Variants in FCGR2A observed in about 807,000 individuals in gnomAD.
The protein encoded by FCGR2A is low affinity immunoglobulin gamma Fc region receptor II-a.
A neutral mutation model predicts 29.3 loss-of-function variants in FCGR2A; 18 were observed. That is an observed-to-expected ratio of 0.62 (90% CI 0.43 to 0.91). The LOEUF is 0.91. Ranked by LOEUF, FCGR2A falls within the 40% of genes least tolerant of loss-of-function variation. The probability of loss-of-function intolerance (pLI) is 0.00; values close to 1 mark genes in which losing one functional copy is unlikely to be tolerated. For synonymous variants in FCGR2A, 126 were observed against 144.8 expected (o/e 0.87, Z 0.93); for missense variants, 287 against 393.0 (o/e 0.73, Z 2.28).
Position 161,518,196 on chromosome 1 carries a change from T to A in FCGR2A, c.*48T>A, listed in dbSNP as rs780647510. On this transcript the variant is annotated 3_prime_UTR_variant, in exon 7 of 7. Transcript: ENST00000271450. ...TCATACTCTCAGCTTGCTGAGTGGA[T>A]GACAAAAAGAGGGGAATTGTTAAAG... 5.1e-6 allele frequency: 8 copies of A among 1,581,404 alleles called. No individual in the cohort carries two copies. The Admixed American group carries it at 9.5e-5, about 19-fold the overall frequency.
intron 3 of FCGR2A, 69 bp downstream of exon 3, chr1:161,506,660 G>T (rs776455921): frequency 6.3e-7 from 1 of 1,599,718 alleles, no homozygotes; most frequent in Admixed American, 1.7e-5. Flanking sequence ...TACAGACAGA[G>T]GTTTGCAGGA....
intron 1 of FCGR2A, 146 bp from the exon 2 acceptor site, chr1:161,505,841 A>T (rs1675348715): frequency 1.2e-6 from 1 of 820,584 alleles, no homozygotes; most frequent in Admixed American, 1.8e-5. Context: ...GAATACTTTT[A>T]TAAAAGATCA....
intron 6 of FCGR2A, among the ~76,000 whole-genome samples, chr1:161,517,711 C>G (rs530323035): frequency 1.3e-5 from 2 of 152,186 alleles, no homozygotes; most frequent in South Asian, 4.1e-4. Flanking sequence ...GATTTTTAGT[C>G]TGTTCTGTTT....
At chr1:161,509,374 G>A (rs1675615689) in intron 3 of FCGR2A, among the ~76,000 whole-genome samples, 1 of 151,324 alleles carries the variant, frequency 6.6e-6, no homozygotes, top group African/African-American at 2.4e-5. Flanking sequence ...AACAGCATGT[G>A]GAAAAAAGGG....
At chr1:161,515,864 T>A (rs1676115894) in intron 6 of FCGR2A, among the ~76,000 whole-genome samples, 1 of 152,236 alleles carries the variant, frequency 6.6e-6, no homozygotes, top group Non-Finnish European at 1.5e-5. Flanking sequence ...TCTACACATG[T>A]GTATGCTATT....
At chr1:161,505,642 C>T (rs1436825592) in intron 1 of FCGR2A, 90 bp downstream of exon 1, 3 of 1,063,444 alleles carry the variant, frequency 2.8e-6, no homozygotes, top group Non-Finnish European at 2.9e-6. Context: ...CAGGCCTGGG[C>T]CCTGGAAGCA....
At chr1:161,523,895 T>C (rs1020247227), downstream of FCGR2A, 1 of 152,156 alleles carries the variant, frequency 6.6e-6, no homozygotes, top group East Asian at 1.9e-4. Flanking sequence ...CAGGCGAGAA[T>C]TCTACCACTG....
chr1:161,508,405 A>G (rs1351316074), intron 3 of FCGR2A, among the ~76,000 whole-genome samples: 3 of 151,768 alleles, frequency 2.0e-5, no homozygotes, highest in Non-Finnish European at 4.4e-5. Flanking sequence ...CCTGGCCAAC[A>G]TGGAAAAACC....
chr1:161,523,193 G>C (rs536937374), downstream of FCGR2A: 2 of 152,170 alleles, frequency 1.3e-5, no homozygotes, highest in African/African-American at 4.8e-5. Flanking sequence ...GCGTGAGAGA[G>C]GGGGTCGATT....
At chr1:161,510,395 G>A (rs1320181596) in intron 4 of FCGR2A, 6 of 568,994 alleles carry the variant, frequency 1.1e-5, no homozygotes, top group East Asian at 3.3e-5. Context: ...TAAGAGCTGA[G>A]GTTTGCCTCG....
rs1045670796 is a variant in FCGR2A, at chr1:161,506,367, C to A, written c.140C>A (p.Pro47His). 2.5e-6 allele frequency: 4 copies of A among 1,614,088 alleles called. No homozygotes were observed. In the African/African-American group the frequency reaches 5.3e-5, roughly 22 times the overall value. The change falls in exon 3 of 7, where the codon CCC becomes CAC. Residue 47 changes from proline to histidine, a missense_variant. Pro to His is a moderately conservative substitution (Grantham distance 77). Around this residue, in one of 3 missense-constraint regions of FCGR2A, gnomAD observed 181 missense variants for 250.9 expected, o/e 0.72. Transcript: ENST00000271450. ...CCAAAGGCTGTGCTGAAACTTGAGC[C>A]CCCGTGGATCAACGTGCTCCAGGAG... ...APPKAVLKLE[P>H]PWINVLQEDS... is the part of the protein sequence containing the mutation.
At chr1:161,511,094 T>A in intron 5 of FCGR2A, 138 bp downstream of exon 5, 1 of 1,352,542 alleles carries the variant, frequency 7.4e-7, no homozygotes, top group Non-Finnish European at 1.0e-6. Flanking sequence ...TTAGTTCATT[T>A]ATTAGTTCAT....
At position 161,518,195 on chromosome 1, in the gene FCGR2A, A is replaced by G. The variant is rs754821437; in HGVS notation, c.*47A>G. ...GTCATACTCTCAGCTTGCTGAGTGG[A>G]TGACAAAAAGAGGGGAATTGTTAAA... On this transcript the variant is annotated 3_prime_UTR_variant, in exon 7 of 7. Coordinates refer to ENST00000271450, the MANE Select transcript of FCGR2A (RefSeq NM_001136219.3). 20 of 1,585,414 alleles carry G rather than the reference A, an allele frequency of 1.3e-5. No individual in the cohort carries two copies. The highest frequency in any genetic ancestry group is 1.7e-5 in the Non-Finnish European group (20 of 1,167,624).
downstream of FCGR2A, chr1:161,523,817 G>A (rs1451361851): frequency 2.6e-5 from 4 of 151,194 alleles, no homozygotes; most frequent in Non-Finnish European, 5.9e-5. Flanking sequence ...ATGAGAAAAA[G>A]AATTGAAATG....
downstream of FCGR2A, chr1:161,523,990 C>T (rs41297676): frequency 6.4e-6 from 1 of 155,382 alleles, no homozygotes; most frequent in East Asian, 1.9e-4. Flanking sequence ...AGGAACCAGG[C>T]ACCGTCTTAA....
At position 161,505,506 on chromosome 1, in the gene FCGR2A, C is replaced by T. The variant is rs745350800; in HGVS notation, c.39C>T (p.Pro13=). 49 of 1,614,062 alleles carry T rather than the reference C, an allele frequency of 3.0e-5. No individual in the cohort carries two copies. The highest frequency in any genetic ancestry group is 4.0e-5 in the African/African-American group (3 of 74,914). Reference sequence around the variant, plus strand: ...CCCAAATGTCTCAGAATGTATGTCCCAGAAACCTGTGGCTGCTTCAACCAT... The same window carrying T: ...CCCAAATGTCTCAGAATGTATGTCCTAGAAACCTGTGGCTGCTTCAACCAT... ...METQMSQNVC[P]RNLWLLQPLT... is the part of the protein sequence containing the mutation. The change falls in exon 1 of 7, where the codon CCC becomes CCT. Residue 13 remains proline, a synonymous_variant. Transcript: ENST00000271450.
downstream of FCGR2A, chr1:161,522,978 C>T (rs1415847096): frequency 6.6e-6 from 1 of 152,086 alleles, no homozygotes; most frequent in East Asian, 1.9e-4. Flanking sequence ...AAATAGCCAT[C>T]TATGGAGTAA....
chr1:161,522,471 G>C (rs1053038032), downstream of FCGR2A, among the ~76,000 whole-genome samples: 4 of 152,014 alleles, frequency 2.6e-5, no homozygotes, highest in Non-Finnish European at 5.9e-5. Context: ...GTGGCTGGGG[G>C]CTGGAAGAGA....
chr1:161,520,280 A>G (rs1338963091), downstream of FCGR2A, among the ~76,000 whole-genome samples: 1 of 152,154 alleles, frequency 6.6e-6, no homozygotes, highest in Non-Finnish European at 1.5e-5. Context: ...GAAACTTACA[A>G]TCACAGCAGA....
Sources: gnomAD v4.1 joint callset for allele counts (sites outside exome capture counted in the v4.1 genomes callset) on GRCh38, gnomAD v4.1.1 for gene constraint, gnomAD v4.1.1 regional missense constraint, MANE v1.5 for transcripts, NCBI Gene and HGNC (gene_info 2026-07-23, HGNC 2026-07-21) for gene names.